RFC1: variants seen among roughly 807,000 people sequenced by gnomAD.
RFC1 encodes the protein A1 140 kDa subunit.
Under a neutral mutation model 137.4 loss-of-function variants are expected in RFC1, and 37 were observed. That is an observed-to-expected ratio of 0.27 (90% CI 0.21 to 0.35). The LOEUF is 0.35. Among genes scored for constraint, RFC1 ranks in the 10% least tolerant of loss-of-function variants. RFC1 has a pLI of 1.00. For synonymous variants in RFC1, 429 were observed against 455.7 expected (o/e 0.94, Z 0.75); for missense variants, 1,205 against 1,358.5 (o/e 0.89, Z 1.78).
intron 22 of RFC1, among the ~76,000 whole-genome samples, chr4:39,292,963 A>G (rs1249839691): frequency 1.3e-5 from 2 of 152,100 alleles, no homozygotes; most frequent in African/African-American, 4.8e-5. Flanking sequence ...TAAAACTTCA[A>G]AAGTTGTTGT....
In RFC1 at chr4:39,320,372, A is replaced by C; in HGVS notation, c.1095+11T>G. On this transcript the variant is annotated intron_variant, in intron 9 of 24. Transcript: ENST00000349703. ...CTCAAAAAAAAAAAAAAAAAAAAACAAAGTTCTTACCTCTTTTTTAGCTGG... is the reference window on the plus strand; with the variant it reads ...CTCAAAAAAAAAAAAAAAAAAAAACCAAGTTCTTACCTCTTTTTTAGCTGG... 3 of 1,462,888 alleles carry C rather than the reference A, an allele frequency of 2.1e-6. No individual in the cohort carries two copies. The highest frequency in any genetic ancestry group is 2.7e-6 in the Non-Finnish European group (3 of 1,105,274). The allele number at this position is 1,462,888 out of a possible 1,614,324, so 90.6% of individuals were successfully genotyped here.
chr4:39,327,707 C>G lies in RFC1; in HGVS notation c.381G>C (p.Glu127Asp), dbSNP rs749171683. ...GATGACTATTTGTAGATCTTCCATT[C>G]TCTTTTGATTTAGAGGCCGCCTTCT... Reference protein sequence around the residue: ...MCKKAASKSKENGRSTNSHLG... With the variant: ...MCKKAASKSKDNGRSTNSHLG... Residue 127 changes from glutamate (E) to aspartate (D), a missense_variant, in exon 5 of 25, where the codon GAG becomes GAC. Around this residue, in one of 3 missense-constraint regions of RFC1, gnomAD observed 962 missense variants for 1,035.3 expected, o/e 0.93. Coordinates refer to ENST00000349703, the MANE Select transcript of RFC1 (RefSeq NM_002913.5). 1.2e-6 allele frequency: 2 copies of G among 1,612,628 alleles called. No individual in the cohort carries two copies. Among genetic ancestry groups the G allele is most frequent in the Admixed American group, 1.7e-5 (1 of 59,910 alleles).
Position 39,351,426 on chromosome 4 carries a change from A to G in RFC1, c.54T>C (p.Ser18=). The change falls in exon 2 of 25, where the codon AGT becomes AGC. Residue 18 remains serine (S), a synonymous_variant. Transcript: ENST00000349703. ...GVIPSGKKLV[S]ETVKKNEKTK... is the part of the protein sequence containing the mutation. ...TTTTCTCATTCTTCTTTACTGTTTC[A>G]CTTACAAGTTTCTTTCCACTTGGTA... 1.3e-6 allele frequency: 2 copies of G among 1,579,190 alleles called. No homozygotes were observed. Among genetic ancestry groups the G allele is most frequent in the Non-Finnish European group, 1.7e-6 (2 of 1,165,788 alleles).
chr4:39,309,026 T>G lies in RFC1; in HGVS notation c.1495A>C (p.Lys499Gln). ...YEIAVETEMK[K>Q]ESKLERTPQK... The stretch of plus-strand genomic sequence containing the variant: ...GGTGTTCTCTCCAGTTTGGACTCTT[T>G]CTTCATCTTAAGAAGTGGAAAAATG... Residue 499 changes from lysine to glutamine, a missense_variant, in exon 13 of 25, where the codon AAA becomes CAA. By Grantham distance (53) the Lys-to-Gln change is moderately conservative (BLOSUM62 1). This residue lies in a region of RFC1 where 962 missense variants were observed against 1,035.3 expected (regional missense o/e 0.93). Coordinates refer to ENST00000349703, the MANE Select transcript of RFC1 (RefSeq NM_002913.5). 6.3e-7 allele frequency: 1 copy of G among 1,590,166 alleles called. No homozygotes were observed. Among genetic ancestry groups the G allele is most frequent in the Non-Finnish European group, 8.5e-7 (1 of 1,173,738 alleles).
At chr4:39,301,535 C>G (rs1429281545) in intron 19 of RFC1, among the ~76,000 whole-genome samples, 1 of 152,156 alleles carries the variant, frequency 6.6e-6, no homozygotes, top group Non-Finnish European at 1.5e-5. Context: ...GTGAGGGGGA[C>G]ATGAAGTATG....
chr4:39,299,920 T>C, intron 21 of RFC1, 101 bp downstream of exon 21: 1 of 755,782 alleles, frequency 1.3e-6, no homozygotes, highest in Non-Finnish European at 2.2e-6. Context: ...ATCTCAAAAA[T>C]AAAGTAAACA....
chr4:39,347,473 A>C (rs894839751), intron 2 of RFC1, among the ~76,000 whole-genome samples: 3 of 152,198 alleles, frequency 2.0e-5, no homozygotes, highest in South Asian at 2.1e-4. Context: ...CATACATCCT[A>C]TTGGTTCTGT....
intron 9 of RFC1, among the ~76,000 whole-genome samples, chr4:39,319,723 C>G (rs1739419508): frequency 6.6e-6 from 1 of 152,160 alleles, no homozygotes; most frequent in South Asian, 2.1e-4. Context: ...CCAGTAGGTG[C>G]CTGAAACCAC....
Position 39,290,024 on chromosome 4 carries a change from T to G in RFC1, c.3184A>C (p.Thr1062Pro). ...KLDPKVKAAF[T>P]RAYNKEAHLT... The stretch of plus-strand genomic sequence containing the variant: ...TGGGCTTCCTTATTGTAAGCTCTTG[T>G]GAAGGCTGCTTTCACCTATATGAAA... The change falls in exon 24 of 25, where the codon ACA (threonine) becomes CCA (proline). Residue 1062 changes from threonine to proline, a missense_variant. Thr to Pro is a conservative substitution (Grantham distance 38). Transcript: ENST00000349703. 1 of 1,612,746 alleles carries G rather than the reference T, an allele frequency of 6.2e-7. No individual in the cohort carries two copies. Among genetic ancestry groups the G allele is most frequent in the Non-Finnish European group, 8.5e-7 (1 of 1,179,196 alleles).
intron 2 of RFC1, among the ~76,000 whole-genome samples, chr4:39,349,904 T>C (rs1042047324): frequency 6.6e-6 from 1 of 152,134 alleles, no homozygotes; most frequent in Non-Finnish European, 1.5e-5. Flanking sequence ...CTTGGGAGGC[T>C]GAGGCAGGAG....
At chr4:39,355,905 G>A (rs942811438) in intron 1 of RFC1, 8 of 151,238 alleles carry the variant, frequency 5.3e-5, no homozygotes, top group African/African-American at 1.7e-4. Flanking sequence ...GGGAAGCTGA[G>A]GCAGGAAAAC....
intron 2 of RFC1, among the ~76,000 whole-genome samples, chr4:39,350,744 T>C (rs1372640253): frequency 6.6e-6 from 1 of 152,164 alleles, no homozygotes; most frequent in Non-Finnish European, 1.5e-5. Context: ...TAAACAAAAT[T>C]CTTCAAGTTG....
At chr4:39,365,358 T>A in intron 1 of RFC1, 1 of 645,844 alleles carries the variant, frequency 1.5e-6, no homozygotes, top group Non-Finnish European at 1.9e-6. Context: ...TGACCAATGA[T>A]TGAAAAAAAT....
chr4:39,318,477 A>T (rs185021641), intron 9 of RFC1, among the ~76,000 whole-genome samples: 2 of 152,380 alleles, frequency 1.3e-5, no homozygotes, highest in East Asian at 3.9e-4. Flanking sequence ...ACTTTGAAGG[A>T]CACCCACTTT....
intron 21 of RFC1, 73 bp downstream of exon 21, chr4:39,299,948 T>C: frequency 1.2e-6 from 1 of 858,772 alleles, no homozygotes; most frequent in South Asian, 1.4e-5. Flanking sequence ...ATAAAATAAG[T>C]ACAGCAGCTA....
At chr4:39,353,673 G>C (rs1362244949) in intron 1 of RFC1, among the ~76,000 whole-genome samples, 1 of 152,130 alleles carries the variant, frequency 6.6e-6, no homozygotes, top group Non-Finnish European at 1.5e-5. Context: ...GAGCAAATGA[G>C]TTTCGTATCA....
chr4:39,366,087 G>A, intron 1 of RFC1, 152 bp downstream of exon 1: 3 of 803,726 alleles, frequency 3.7e-6, no homozygotes, highest in Non-Finnish European at 5.5e-6. Context: ...TGCGTCCAGT[G>A]CCCGGTGTGC....
intron 15 of RFC1, among the ~76,000 whole-genome samples, chr4:39,303,459 A>AT (rs1161017753): frequency 0.082 from 12,102 of 147,008 alleles, 1,560 homozygotes; most frequent in African/African-American, 0.28. Flanking sequence ...TGAGTTTTGA[A>AT]TTTTTTTTTT....
rs962644007 is a variant in RFC1 at position 39,366,346 on chromosome 4, T to C, written c.-105A>G. On this transcript the variant is annotated 5_prime_UTR_variant, in exon 1 of 25. Coordinates refer to ENST00000349703, the MANE Select transcript of RFC1 (RefSeq NM_002913.5). The stretch of plus-strand genomic sequence containing the variant: ...CGCGCCAACAACTTCTCCCGCGAAG[T>C]GCAAGAAGGCGAAGACAGTGGCGCG... 5 of 1,320,180 alleles carry C rather than the reference T, an allele frequency of 3.8e-6. No individual in the cohort carries two copies. Among genetic ancestry groups the C allele is most frequent in the Non-Finnish European group, 5.0e-6 (5 of 1,003,950 alleles). 81.8% of individuals were successfully genotyped at this position (1,320,180 alleles called of 1,614,324 possible).
Sources: allele counts gnomAD v4.1 joint callset (sites outside exome capture counted in the v4.1 genomes callset), GRCh38; gene constraint gnomAD v4.1.1; regional missense constraint gnomAD v4.1.1; transcripts MANE v1.5; gene names NCBI Gene and HGNC (gene_info 2026-07-23, HGNC 2026-07-21).